SHISA9: variants seen among roughly 807,000 people sequenced by gnomAD.
The protein encoded by SHISA9 is shisa family member 9, also known as protein shisa-9.
In SHISA9, 13 loss-of-function variants were observed where a neutral mutation model predicts 38.0. The ratio of observed to expected loss-of-function variants is 0.34; its 90% CI spans 0.22 to 0.54. The LOEUF is 0.54. SHISA9 is among the 20% of genes least tolerant of loss of function. SHISA9 has a pLI of 0.91. For missense variants in SHISA9, 538 were observed against 575.8 expected (o/e 0.93, Z 0.67); for synonymous variants, 275 against 242.0 (o/e 1.14, Z -1.27).
chr16:13,276,031 C>G, the SHISA9 span, among the ~76,000 whole-genome samples: 1 of 151,970 alleles, frequency 6.6e-6, no homozygotes, highest in African/African-American at 2.4e-5. Context: ...ATCATGCGAG[C>G]AGTATACACT....
At chr16:13,474,042 A>G in the SHISA9 span, among the ~76,000 whole-genome samples, 1 of 152,202 alleles carries the variant, frequency 6.6e-6, no homozygotes, top group South Asian at 2.1e-4. Flanking sequence ...AACAAGAAGG[A>G]TGAAGATGCA....
At chr16:13,271,495 C>T in the SHISA9 span, among the ~76,000 whole-genome samples, 5 of 152,042 alleles carry the variant, frequency 3.3e-5, no homozygotes, top group African/African-American at 9.7e-5. Context: ...TCAGCGTGTA[C>T]GGTGGTGAAG....
chr16:13,412,659 C>A, the SHISA9 span, among the ~76,000 whole-genome samples: 8 of 152,124 alleles, frequency 5.3e-5, no homozygotes, highest in South Asian at 4.2e-4. Flanking sequence ...GAGTTTGAGA[C>A]CAGCCTGGCC....
Position 12,990,965 on chromosome 16 carries a change from A to G in SHISA9, c.691+74150A>G, listed in dbSNP as rs148853605. Among the ~76,000 whole-genome samples the G allele has an allele frequency of 1.0e-3, 154 of 152,354 alleles. 1 individual carries two copies. The highest frequency in any genetic ancestry group is 3.5e-3 in the African/African-American group (147 of 41,584). On this transcript the variant is annotated intron_variant, in intron 2 of 4. Coordinates refer to ENST00000558583, the MANE Select transcript of SHISA9 (RefSeq NM_001145204.3). ...AAGATCTTGAAACACAATATCAAAT[A>G]GCTTTCCAGAAATACAGAAATATTA... is the stretch of plus-strand genomic sequence containing the variant.
rs142898576 is a variant in SHISA9 at position 12,973,834 on chromosome 16, A to G, written c.691+57019A>G. On this transcript the variant is annotated intron_variant, in intron 2 of 4. Transcript: ENST00000558583. Reference sequence around the variant, plus strand: ...GCTATGTTCTGGTCTAAGTTTTGCCACTAATTGTCTGTATAGCCTCGAAAA... The same window carrying G: ...GCTATGTTCTGGTCTAAGTTTTGCCGCTAATTGTCTGTATAGCCTCGAAAA... 9.1e-3 allele frequency among the ~76,000 whole-genome samples: 1,389 copies of G among 152,322 alleles called. 16 individuals are homozygous for G. Among genetic ancestry groups the G allele is most frequent in the Admixed American group, 0.019 (289 of 15,290 alleles).
At chr16:12,950,744 G>A (rs895657868) in intron 2 of SHISA9, among the ~76,000 whole-genome samples, 13 of 151,700 alleles carry the variant, frequency 8.6e-5, no homozygotes, top group African/African-American at 3.1e-4. Flanking sequence ...GAGTAGCTGG[G>A]ATTATTAGCT....
At chr16:13,555,946 G>T in the SHISA9 span, among the ~76,000 whole-genome samples, 1 of 152,232 alleles carries the variant, frequency 6.6e-6, no homozygotes, top group Non-Finnish European at 1.5e-5. Flanking sequence ...ATGCTCAGTG[G>T]CAAACAACCT....
At chr16:13,025,397 T>C (rs866331812) in intron 2 of SHISA9, among the ~76,000 whole-genome samples, 1 of 152,236 alleles carries the variant, frequency 6.6e-6, no homozygotes, top group African/African-American at 2.4e-5. Context: ...GTGATTCCGA[T>C]GATGCTTAGG....
chr16:13,243,769 G>GTTT (rs34605909), downstream of SHISA9, among the ~76,000 whole-genome samples: 348 of 89,822 alleles, frequency 3.9e-3, 8 homozygotes, highest in East Asian at 0.012. Context: ...TTACAGCAGC[G>GTTT]TTTTTTTTTT....
At chr16:13,133,411 T>A (rs1382239192) in intron 2 of SHISA9, among the ~76,000 whole-genome samples, 1 of 152,224 alleles carries the variant, frequency 6.6e-6, no homozygotes, top group Non-Finnish European at 1.5e-5. Flanking sequence ...GTGGGCTGTT[T>A]AAACTTGGCT....
chr16:12,986,135 A>G (rs2072305356), intron 2 of SHISA9, among the ~76,000 whole-genome samples: 1 of 152,198 alleles, frequency 6.6e-6, no homozygotes, highest in South Asian at 2.1e-4. Context: ...TTTTAAATAA[A>G]TTGCTCATAT....
chr16:13,251,952 T>A, the SHISA9 span, among the ~76,000 whole-genome samples: 11 of 151,508 alleles, frequency 7.3e-5, no homozygotes, highest in South Asian at 2.1e-3. Context: ...GAGAACTGAG[T>A]TCAAATCCCA....
intron 2 of SHISA9, among the ~76,000 whole-genome samples, chr16:12,951,616 T>C (rs998616902): frequency 1.3e-5 from 2 of 152,174 alleles, no homozygotes; most frequent in Admixed American, 6.6e-5. Flanking sequence ...AGTACTCATA[T>C]TGGCTGGGGA....
intron 2 of SHISA9, among the ~76,000 whole-genome samples, chr16:12,938,766 G>A (rs1225537332): frequency 6.6e-6 from 1 of 152,080 alleles, no homozygotes; most frequent in Non-Finnish European, 1.5e-5. Flanking sequence ...GCCTCCCAAA[G>A]TGTTGGAATT....
the SHISA9 span, among the ~76,000 whole-genome samples, chr16:13,297,133 T>C: frequency 6.6e-6 from 1 of 152,142 alleles, no homozygotes; most frequent in Non-Finnish European, 1.5e-5. Context: ...TTGAAATGCC[T>C]GCATAATGTT....
At chr16:13,302,540 C>T in the SHISA9 span, among the ~76,000 whole-genome samples, 71 of 152,294 alleles carry the variant, frequency 4.7e-4, no homozygotes, top group Middle Eastern at 3.4e-3. Context: ...GGGATACAGA[C>T]TCTCTCCATG....
chr16:13,492,226 T>C, the SHISA9 span, among the ~76,000 whole-genome samples: 3 of 151,988 alleles, frequency 2.0e-5, no homozygotes, highest in African/African-American at 7.2e-5. Flanking sequence ...CCCAGCAACA[T>C]TCTGTGGGCG....
chr16:13,262,538 T>C, the SHISA9 span, among the ~76,000 whole-genome samples: 4 of 152,088 alleles, frequency 2.6e-5, no homozygotes, highest in African/African-American at 9.7e-5. Flanking sequence ...GAAACTCTAC[T>C]TTATTTACTT....
chr16:13,238,433 G>C lies in SHISA9; in HGVS notation c.*3024G>C, dbSNP rs2051405767. On this transcript the variant is annotated 3_prime_UTR_variant, in exon 5 of 5. Transcript: ENST00000558583. ...AATTCTTATCTCCCTTTTACCTCGT[G>C]GTTGCTCTTTGCCCCCAGTCCACTT... The C allele has an allele frequency of 6.6e-6, 1 of 152,090 alleles. No homozygotes were observed. The highest frequency in any genetic ancestry group is 6.6e-5 in the Admixed American group (1 of 15,262). The allele number at this position is 152,090 out of a possible 1,614,324, so 9.4% of individuals were successfully genotyped here. A position where few individuals can be genotyped will look rare whatever the true frequency, so the allele number is the denominator to read the frequency against.
Sources: allele counts gnomAD v4.1 joint callset (sites outside exome capture counted in the v4.1 genomes callset), GRCh38; gene constraint gnomAD v4.1.1; transcripts MANE v1.5; gene names NCBI Gene and HGNC (gene_info 2026-07-23, HGNC 2026-07-21).